The following METTL6 variants were observed in gnomAD, a reference collection of about 807,000 sequenced individuals.
The protein encoded by METTL6 is methyltransferase 6, tRNA N3-cytidine.
A neutral mutation model predicts 26.4 loss-of-function variants in METTL6; 22 were observed. That is an observed-to-expected ratio of 0.83 (90% CI 0.59 to 1.19). The LOEUF (loss-of-function observed/expected upper bound fraction) is 1.19, where lower values mean the gene tolerates loss of function less well. Among genes scored for constraint, METTL6 ranks in the 50% most tolerant of loss-of-function variants. METTL6 has a pLI of 0.00. For missense variants in METTL6, 304 were observed against 324.8 expected (o/e 0.94, Z 0.49); for synonymous variants, 109 against 116.2 (o/e 0.94, Z 0.40).
downstream of METTL6, among the ~76,000 whole-genome samples, chr3:15,407,836 G>A (rs1052205687): frequency 1.3e-5 from 2 of 152,168 alleles, no homozygotes; most frequent in African/African-American, 4.8e-5. Context: ...TTGCCATGTT[G>A]TAGTGTTCTC....
chr3:15,418,268 T>A (rs1326106966), intron 3 of METTL6, among the ~76,000 whole-genome samples: 1 of 152,084 alleles, frequency 6.6e-6, no homozygotes, highest in Non-Finnish European at 1.5e-5. Context: ...TTTAAAATAA[T>A]TATGATTAAA....
rs374062843 is a variant in METTL6, at chr3:15,425,434, C to T, written c.226-345G>A. Among the ~76,000 whole-genome samples the T allele has an allele frequency of 9.9e-5, 15 of 152,222 alleles. No homozygotes were observed. The East Asian group carries it at 1.5e-3, about 16-fold the overall frequency. The stretch of plus-strand genomic sequence containing the variant: ...AATGAGTACAATACTAATACTTACA[C>T]TTCACAGAGCCGGTATAAGGGTCAA... On this transcript the variant is annotated intron_variant, in intron 2 of 5. Coordinates refer to ENST00000383790, the MANE Select transcript of METTL6 (RefSeq NM_152396.4).
At chr3:15,407,052 T>C (rs1481480956), downstream of METTL6, among the ~76,000 whole-genome samples, 1 of 152,100 alleles carries the variant, frequency 6.6e-6, no homozygotes, top group Admixed American at 6.6e-5. Context: ...ACTCTTACTC[T>C]GTCACCCAAG....
chr3:15,382,085 C>G lies in METTL6; in HGVS notation c.*2114G>C, dbSNP rs1699094188. 3 of 149,374 alleles carry G rather than the reference C, an allele frequency of 2.0e-5. No individual in the cohort carries two copies. In the Admixed American group the frequency reaches 2.0e-4, roughly 10 times the overall value. The allele number at this position is 149,374 out of a possible 1,614,324, so 9.3% of individuals were successfully genotyped here. On this transcript the variant is annotated 3_prime_UTR_variant, in exon 7 of 7. Transcript: ENST00000443029. ...TTTTTTTAAGAGTCGGGGTCTCACT[C>G]TGCTGCCCAGGCTGGAGAACAGTGG...
chr3:15,390,677 A>T (rs920563759), intron 6 of METTL6, among the ~76,000 whole-genome samples: 1 of 152,166 alleles, frequency 6.6e-6, no homozygotes, highest in Non-Finnish European at 1.5e-5. Flanking sequence ...AACAGCATCC[A>T]AACATGTTGA....
chr3:15,419,509 A>T (rs894343364), intron 3 of METTL6, among the ~76,000 whole-genome samples: 8 of 152,240 alleles, frequency 5.3e-5, no homozygotes, highest in African/African-American at 1.9e-4. Flanking sequence ...CCTCTCTGGT[A>T]ATAAGGAAAA....
At chr3:15,400,735 A>G (rs566861351) in intron 6 of METTL6, among the ~76,000 whole-genome samples, 3 of 152,338 alleles carry the variant, frequency 2.0e-5, no homozygotes, top group African/African-American at 7.2e-5. Context: ...GAAAAGTATA[A>G]AGAAGAAAAG....
chr3:15,407,227 C>T (rs902926995), downstream of METTL6, among the ~76,000 whole-genome samples: 4 of 152,110 alleles, frequency 2.6e-5, no homozygotes, highest in African/African-American at 7.2e-5. Flanking sequence ...AACATGTTGG[C>T]CAGGCTGGTC....
At chr3:15,406,303 G>C (rs1309133179), downstream of METTL6, among the ~76,000 whole-genome samples, 7 of 151,716 alleles carry the variant, frequency 4.6e-5, no homozygotes, top group African/African-American at 1.7e-4. Context: ...AAACGTGGGA[G>C]AACCTGATCC....
At chr3:15,412,553 T>C (rs991431975) in intron 5 of METTL6, among the ~76,000 whole-genome samples, 5 of 152,132 alleles carry the variant, frequency 3.3e-5, no homozygotes, top group Non-Finnish European at 7.4e-5. Flanking sequence ...GGTATGATCA[T>C]AGCTCACTGC....
chr3:15,411,376 A>C lies in METTL6; in HGVS notation c.735T>G (p.Phe245Leu). The C allele has an allele frequency of 1.2e-6, 2 of 1,614,208 alleles. No individual in the cohort carries two copies. The highest frequency in any genetic ancestry group is 1.7e-6 in the Non-Finnish European group (2 of 1,180,046). The change falls in exon 6 of 6, where the codon TTT (phenylalanine) becomes TTG (leucine). Residue 245 changes from phenylalanine (F) to leucine (L), a missense_variant. Physicochemically the swap from Phe to Leu is conservative, Grantham distance 22. Coordinates refer to ENST00000383790, the MANE Select transcript of METTL6 (RefSeq NM_152396.4). The stretch of plus-strand genomic sequence containing the variant: ...CTTCTTTTTTATTCACCGTCTCTCG[A>C]AACACATACTCGTTTACCACTTCTT... ...GYEEVVNEYV[F>L]RETVNKKEGL... is the part of the protein sequence containing the mutation.
chr3:15,424,967 A>G lies in METTL6; in HGVS notation c.348T>C (p.Ile116=). 1 of 1,614,182 alleles carries G rather than the reference A, an allele frequency of 6.2e-7. No homozygotes were observed. The highest frequency in any genetic ancestry group is 8.5e-7 in the Non-Finnish European group (1 of 1,180,030). The change falls in exon 3 of 6, where the codon ATT becomes ATC. Residue 116 remains isoleucine, a synonymous_variant. Transcript: ENST00000383790. ...ATGGTGCACCAACCTTAACATATTCAATGGCTCTTGGAGAAAAATCACAGG... is the reference window on the plus strand; with the variant it reads ...ATGGTGCACCAACCTTAACATATTCGATGGCTCTTGGAGAAAAATCACAGG... ...AYACDFSPRA[I]EYVKQNPLYD...
At chr3:15,423,213 T>C (rs897908824) in intron 3 of METTL6, among the ~76,000 whole-genome samples, 1 of 151,802 alleles carries the variant, frequency 6.6e-6, no homozygotes, top group African/African-American at 2.4e-5. Flanking sequence ...GTGGCTAACA[T>C]GGCGAAACCC....
intron 6 of METTL6, among the ~76,000 whole-genome samples, chr3:15,402,340 G>C (rs371375843): frequency 2.6e-5 from 4 of 152,300 alleles, no homozygotes; most frequent in South Asian, 2.1e-4. Flanking sequence ...TTGGGTCAGA[G>C]ATGAGATCTT....
chr3:15,412,869 T>C (rs1476719487), intron 5 of METTL6, among the ~76,000 whole-genome samples: 1 of 152,308 alleles, frequency 6.6e-6, no homozygotes, highest in Admixed American at 6.5e-5. Context: ...TCTTCCTGTC[T>C]AGATGATTAG....
downstream of METTL6, among the ~76,000 whole-genome samples, chr3:15,408,005 G>A (rs1047934898): frequency 1.3e-5 from 2 of 152,200 alleles, no homozygotes; most frequent in African/African-American, 2.4e-5. Flanking sequence ...AAGACCTGCT[G>A]TAATGCAGTT....
At chr3:15,399,781 C>A (rs1415296063) in intron 6 of METTL6, among the ~76,000 whole-genome samples, 2 of 151,850 alleles carry the variant, frequency 1.3e-5, no homozygotes, top group East Asian at 3.9e-4. Context: ...ATTCAGGGAC[C>A]AGGGGACTGG....
intron 2 of METTL6, among the ~76,000 whole-genome samples, chr3:15,425,347 T>G (rs955482814): frequency 1.3e-5 from 2 of 152,338 alleles, no homozygotes; most frequent in Admixed American, 1.3e-4. Flanking sequence ...ACTCCTCCCC[T>G]GCATTCTATC....
chr3:15,410,562 T>C lies in METTL6; in HGVS notation c.*694A>G, dbSNP rs141979323. On this transcript the variant is annotated 3_prime_UTR_variant, in exon 6 of 6. Coordinates refer to ENST00000383790, the MANE Select transcript of METTL6 (RefSeq NM_152396.4). The stretch of plus-strand genomic sequence containing the variant: ...CTGGGCTCAAGGGATCTGCTGGCCT[T>C]GGCCTCTCAAAGTGCTGGGGTTATA... Among the ~76,000 whole-genome samples, 4 of 152,286 alleles carry C rather than the reference T, an allele frequency of 2.6e-5. No individual in the cohort carries two copies. In the East Asian group the frequency reaches 5.8e-4, roughly 22 times the overall value.
Sources: gnomAD v4.1 joint callset for allele counts (sites outside exome capture counted in the v4.1 genomes callset) on GRCh38, gnomAD v4.1.1 for gene constraint, MANE v1.5 for transcripts, NCBI Gene and HGNC (gene_info 2026-07-23, HGNC 2026-07-21) for gene names.